CEP162: variants seen among roughly 807,000 people sequenced by gnomAD.
CEP162 encodes the protein centrosomal protein 162.
A neutral mutation model predicts 169.2 loss-of-function variants in CEP162; 141 were observed. That is an observed-to-expected ratio of 0.83 (90% CI 0.73 to 0.96). CEP162 has a LOEUF of 0.96. CEP162 is among the 40% of genes least tolerant of loss of function. The probability of loss-of-function intolerance (pLI) is 0.00; values close to 1 mark genes in which losing one functional copy is unlikely to be tolerated. For missense variants in CEP162, 1,600 were observed against 1,587.2 expected (o/e 1.01, Z -0.14); for synonymous variants, 540 against 526.4 (o/e 1.03, Z -0.35).
In CEP162 at chr6:84,146,732, C is replaced by T. The variant is rs1394393587; in HGVS notation, c.3825G>A (p.Glu1275=). Residue 1275 remains glutamate, a synonymous_variant, in exon 25 of 27, where the codon GAG becomes GAA. Transcript: ENST00000403245. ...SQVNELQSKQ[E]SLVVSEVREE... ...CTCGAACTTCAGAAACTACGAGAGA[C>T]TCTTGTTTACTCTGCAGCTCATTAA... is the stretch of plus-strand genomic sequence containing the variant. 9 of 1,583,114 alleles carry T rather than the reference C, an allele frequency of 5.7e-6. No individual in the cohort carries two copies. Among genetic ancestry groups the T allele is most frequent in the South Asian group, 1.2e-5 (1 of 85,914 alleles).
At chr6:84,162,834 C>G (rs1465899433) in intron 19 of CEP162, among the ~76,000 whole-genome samples, 2 of 152,012 alleles carry the variant, frequency 1.3e-5, no homozygotes, top group Non-Finnish European at 2.9e-5. Context: ...AGTTTCAGAC[C>G]CAGGGAAAAG....
At chr6:84,174,661 G>A in intron 15 of CEP162, 66 bp downstream of exon 15, 1 of 727,974 alleles carries the variant, frequency 1.4e-6, no homozygotes, top group Non-Finnish European at 2.2e-6. Context: ...AATGTATTTA[G>A]CAGGGAATTC....
chr6:84,208,907 A>G (rs2099548367), intron 6 of CEP162, among the ~76,000 whole-genome samples: 1 of 152,234 alleles, frequency 6.6e-6, no homozygotes, highest in African/African-American at 2.4e-5. Context: ...TCTAGGTGGG[A>G]ACCACCGAAT....
chr6:84,153,546 T>C (rs114677685), intron 22 of CEP162, among the ~76,000 whole-genome samples: 1 of 152,150 alleles, frequency 6.6e-6, no homozygotes, highest in Admixed American at 6.5e-5. Flanking sequence ...GTAAAGCAAC[T>C]GGGGGCACTG....
chr6:84,186,719 T>C (rs1023456970), intron 11 of CEP162, 96 bp from the exon 12 acceptor site: 18 of 962,586 alleles, frequency 1.9e-5, no homozygotes, highest in African/African-American at 1.3e-4. Context: ...AGACACACTA[T>C]ATATTTGAAT....
At chr6:84,226,195 T>C (rs1003489679) in intron 2 of CEP162, 142 bp downstream of exon 2, 7 of 615,234 alleles carry the variant, frequency 1.1e-5, no homozygotes, top group Admixed American at 2.7e-5. Context: ...GAACTAGCAG[T>C]GGCAGAAAAG....
Position 84,170,978 on chromosome 6 carries a change from C to T in CEP162, c.2279+628G>A, listed in dbSNP as rs147399321. On this transcript the variant is annotated intron_variant, in intron 17 of 26. Transcript: ENST00000403245. ...CCCTACTCCTTTCCACAGTACACTC[C>T]GGCCAGTGACTAAGGCTGCCCCCTT... Among the ~76,000 whole-genome samples, 449 of 152,260 alleles carry T rather than the reference C, an allele frequency of 2.9e-3. 2 individuals are homozygous for T. The highest frequency in any genetic ancestry group is 9.8e-3 in the African/African-American group (407 of 41,540).
chr6:84,215,883 T>C lies in CEP162; in HGVS notation c.212A>G (p.Lys71Arg). The C allele has an allele frequency of 6.3e-7, 1 of 1,576,868 alleles. No individual in the cohort carries two copies. The highest frequency in any genetic ancestry group is 8.6e-7 in the Non-Finnish European group (1 of 1,159,944). Residue 71 changes from lysine (K) to arginine (R), a missense_variant, in exon 4 of 27, where the codon AAG becomes AGG. Physicochemically the swap from Lys to Arg is conservative, Grantham distance 26. Transcript: ENST00000403245. ...GTNVSYLKTKKTSQPVMEIEE... is the reference protein window; with the variant it reads ...GTNVSYLKTKRTSQPVMEIEE... ...TATTTCCATAACAGGCTGAGAAGTC[T>C]TCTTTGTTTTCAAATAGCTCACATT...
At chr6:84,128,059 G>C (rs2099509664) in intron 25 of CEP162, among the ~76,000 whole-genome samples, 1 of 152,174 alleles carries the variant, frequency 6.6e-6, no homozygotes, top group Non-Finnish European at 1.5e-5. Flanking sequence ...CTTCATAAGA[G>C]CAAAGATTTT....
At chr6:84,214,790 G>A (rs1305766242) in intron 5 of CEP162, among the ~76,000 whole-genome samples, 3 of 152,174 alleles carry the variant, frequency 2.0e-5, no homozygotes, top group Non-Finnish European at 4.4e-5. Context: ...CAATGGTCTA[G>A]TGTAATAAAG....
chr6:84,133,692 C>T (rs576151710), intron 25 of CEP162, among the ~76,000 whole-genome samples: 98 of 152,276 alleles, frequency 6.4e-4, no homozygotes, highest in African/African-American at 2.2e-3. Context: ...TCCTGGTGTG[C>T]TGTTTGCTAA....
intron 9 of CEP162, among the ~76,000 whole-genome samples, chr6:84,195,915 T>G (rs1219704727): frequency 2.0e-5 from 3 of 152,188 alleles, no homozygotes; most frequent in Non-Finnish European, 4.4e-5. Flanking sequence ...GAATATCAAC[T>G]TAACAGACAT....
At chr6:84,182,802 C>T (rs1175517870) in intron 13 of CEP162, among the ~76,000 whole-genome samples, 1 of 152,128 alleles carries the variant, frequency 6.6e-6, no homozygotes, top group Non-Finnish European at 1.5e-5. Flanking sequence ...TCTCTGGACT[C>T]TTTGTTACAT....
intron 25 of CEP162, among the ~76,000 whole-genome samples, chr6:84,130,522 C>G (rs762416709): frequency 2.0e-5 from 3 of 152,172 alleles, no homozygotes. Flanking sequence ...TTAATTACTC[C>G]CTCAATTTCA....
chr6:84,189,968 G>C (rs973619216), intron 11 of CEP162, among the ~76,000 whole-genome samples: 1 of 150,610 alleles, frequency 6.6e-6, no homozygotes, highest in Non-Finnish European at 1.5e-5. Flanking sequence ...TGGTGAGGAC[G>C]TGGAGAGTCT....
At chr6:84,213,905 T>C (rs2099550543) in intron 5 of CEP162, among the ~76,000 whole-genome samples, 1 of 152,182 alleles carries the variant, frequency 6.6e-6, no homozygotes, top group South Asian at 2.1e-4. Flanking sequence ...GAGTACAAGA[T>C]GCTGATCATT....
At chr6:84,175,921 A>T (rs1362752234) in intron 13 of CEP162, among the ~76,000 whole-genome samples, 9 of 152,114 alleles carry the variant, frequency 5.9e-5, no homozygotes, top group Admixed American at 5.9e-4. Context: ...TATATATTAA[A>T]TTATAAAAAA....
At chr6:84,178,992 A>C (rs939233477) in intron 13 of CEP162, among the ~76,000 whole-genome samples, 1 of 152,112 alleles carries the variant, frequency 6.6e-6, no homozygotes, top group African/African-American at 2.4e-5. Flanking sequence ...ACATGAACTC[A>C]TCCTTTTTTA....
chr6:84,224,402 G>A (rs2099554913), intron 2 of CEP162, among the ~76,000 whole-genome samples: 1 of 152,114 alleles, frequency 6.6e-6, no homozygotes, highest in Non-Finnish European at 1.5e-5. Context: ...ACAAGGAGAT[G>A]GAGTAACTGC....
Sources: allele counts gnomAD v4.1 joint callset (sites outside exome capture counted in the v4.1 genomes callset), GRCh38; gene constraint gnomAD v4.1.1; transcripts MANE v1.5; gene names NCBI Gene and HGNC (gene_info 2026-07-23, HGNC 2026-07-21).